The following KDM5B variants were observed in gnomAD, a reference collection of about 807,000 sequenced individuals.
KDM5B encodes the protein lysine demethylase 5B.
Under a neutral mutation model 193.4 loss-of-function variants are expected in KDM5B, and 144 were observed. The ratio of observed to expected loss-of-function variants is 0.74; its 90% CI spans 0.65 to 0.86. KDM5B has a LOEUF of 0.86. Ranked by LOEUF, KDM5B falls within the 40% of genes least tolerant of loss-of-function variation. The probability of loss-of-function intolerance (pLI) is 0.00; values close to 1 mark genes in which losing one functional copy is unlikely to be tolerated. For synonymous variants in KDM5B, 668 were observed against 682.6 expected, an observed-to-expected ratio of 0.98 and a Z score of 0.33; for missense variants, 1,833 against 1,886.9, an observed-to-expected ratio of 0.97 and a Z score of 0.53.
rs558773192 is a variant in KDM5B at position 202,739,525 on chromosome 1, G to C, written c.3084+1149C>G. ...CATTCTTGGGTGTTTCTCGCAGAGG[G>C]GGAGTTGGCAGGGTCATAGGACAAT... is the stretch of plus-strand genomic sequence containing the variant. On this transcript the variant is annotated intron_variant, in intron 20 of 26. Transcript: ENST00000367265. Among the ~76,000 whole-genome samples the C allele has an allele frequency of 2.2e-4, 33 of 151,676 alleles. No individual in the cohort carries two copies. In the South Asian group the frequency reaches 6.9e-3, roughly 32 times the overall value.
chr1:202,730,394 T>C (rs1245953006), intron 25 of KDM5B, among the ~76,000 whole-genome samples: 1 of 152,230 alleles, frequency 6.6e-6, no homozygotes, highest in African/African-American at 2.4e-5. Flanking sequence ...TAGGTGTTTA[T>C]GTCTATCCTG....
chr1:202,796,428 C>T (rs1657850634), intron 1 of KDM5B: 2 of 226,820 alleles, frequency 8.8e-6, no homozygotes, highest in South Asian at 1.1e-4. Context: ...TGCCAGCTAC[C>T]ACCAACTACT....
intron 2 of KDM5B, among the ~76,000 whole-genome samples, chr1:202,776,406 A>G (rs1489761846): frequency 6.6e-6 from 1 of 151,962 alleles, no homozygotes; most frequent in Non-Finnish European, 1.5e-5. Flanking sequence ...TTATATGGCA[A>G]GTAAATATGC....
intron 1 of KDM5B, among the ~76,000 whole-genome samples, chr1:202,783,636 G>A (rs535512585): frequency 3.3e-5 from 5 of 152,166 alleles, no homozygotes; most frequent in South Asian, 2.1e-4. Context: ...CCAGCACTTC[G>A]GGAGGCCGAG....
chr1:202,764,770 A>C (rs1656382335), intron 5 of KDM5B, among the ~76,000 whole-genome samples: 1 of 152,222 alleles, frequency 6.6e-6, no homozygotes, highest in Non-Finnish European at 1.5e-5. Context: ...ACTTGAGGCC[A>C]GGAGTTTGAG....
chr1:202,729,704 G>T lies in KDM5B; in HGVS notation c.4497+3C>A. The T allele has an allele frequency of 1.2e-6, 2 of 1,611,526 alleles. No individual in the cohort carries two copies. Among genetic ancestry groups the T allele is most frequent in the South Asian group, 2.2e-5 (2 of 90,640 alleles). On this transcript the variant is annotated splice_donor_region_variant and intron_variant, in intron 26 of 26. Coordinates refer to ENST00000367265, the MANE Select transcript of KDM5B (RefSeq NM_006618.5). Reference sequence around the variant, plus strand: ...CGTCCTCTATGGCCCAAACCTCACTGACCTCATCTCCTTCTGGCTGCAGGC... The same window carrying T: ...CGTCCTCTATGGCCCAAACCTCACTTACCTCATCTCCTTCTGGCTGCAGGC...
At chr1:202,744,494 G>GT (rs1655472620) in intron 16 of KDM5B, among the ~76,000 whole-genome samples, 1 of 152,122 alleles carries the variant, frequency 6.6e-6, no homozygotes, top group Non-Finnish European at 1.5e-5. Context: ...GGAGGTGGAG[G>GT]TTGCAGTGAG....
rs140596403 is a variant in KDM5B, at chr1:202,792,955, C to T, written c.204+15147G>A. ...GAGGTTGCAGTGAGCCAAGACCGTGCCATTGCACTCCAACTCCAGCCTGGG... is the reference window on the plus strand; with the variant it reads ...GAGGTTGCAGTGAGCCAAGACCGTGTCATTGCACTCCAACTCCAGCCTGGG... On this transcript the variant is annotated intron_variant, in intron 1 of 26. Transcript: ENST00000367265. Among the ~76,000 whole-genome samples, 138 of 151,232 alleles carry T rather than the reference C, an allele frequency of 9.1e-4. 1 individual carries two copies. The East Asian group carries it at 0.017, about 19-fold the overall frequency.
At chr1:202,808,046 C>T (rs1658381222) in intron 1 of KDM5B, 56 bp downstream of exon 1, 1 of 1,568,778 alleles carries the variant, frequency 6.4e-7, no homozygotes, top group Non-Finnish European at 8.7e-7. Flanking sequence ...CGGACCCGCG[C>T]GTCCCCGCTC....
intron 1 of KDM5B, among the ~76,000 whole-genome samples, chr1:202,794,517 A>C (rs1314308009): frequency 6.6e-6 from 1 of 152,260 alleles, no homozygotes; most frequent in Non-Finnish European, 1.5e-5. Context: ...AGAATGCACA[A>C]CAATCTGCCT....
Position 202,736,211 on chromosome 1 carries a change from ACCT to A in KDM5B, c.3263_3264+1del. The stretch of plus-strand genomic sequence containing the variant: ...TTGCAGATGAGCTGGTTGTAAACTT[ACCT>A]CTAAGAGAGAATATGGAGAATTCTC... On this transcript the variant is annotated splice_donor_variant and coding_sequence_variant, in exon 21 of 27. Coordinates refer to ENST00000367265, the MANE Select transcript of KDM5B (RefSeq NM_006618.5). LOFTEE classifies it high-confidence loss of function. The A allele has an allele frequency of 6.5e-7, 1 of 1,545,772 alleles. No homozygotes were observed. The highest frequency in any genetic ancestry group is 8.7e-7 in the Non-Finnish European group (1 of 1,143,010).
chr1:202,782,921 G>T (rs1005603264), intron 1 of KDM5B, among the ~76,000 whole-genome samples: 1 of 152,142 alleles, frequency 6.6e-6, no homozygotes, highest in Non-Finnish European at 1.5e-5. Flanking sequence ...GAGGCCAAAA[G>T]GGGGAGGACT....
At chr1:202,755,234 T>G in intron 11 of KDM5B, 37 bp downstream of exon 11, 1 of 1,541,484 alleles carries the variant, frequency 6.5e-7, no homozygotes, top group Non-Finnish European at 9.0e-7. Flanking sequence ...CTATCCAGCA[T>G]GCATACTACT....
At chr1:202,742,543 A>G (rs779555561) in intron 17 of KDM5B, 38 bp from the exon 18 acceptor site, 1 of 1,602,632 alleles carries the variant, frequency 6.2e-7, no homozygotes, top group South Asian at 1.1e-5. Context: ...ATATAAGAAT[A>G]CATACATGTC....
intron 1 of KDM5B, among the ~76,000 whole-genome samples, chr1:202,784,003 T>C (rs1337071185): frequency 1.3e-5 from 2 of 152,204 alleles, no homozygotes; most frequent in African/African-American, 4.8e-5. Context: ...GGTAAACATT[T>C]TCCTCAGTGC....
At chr1:202,791,552 G>A (rs1442675704) in intron 1 of KDM5B, among the ~76,000 whole-genome samples, 4 of 151,822 alleles carry the variant, frequency 2.6e-5, no homozygotes, top group Non-Finnish European at 5.9e-5. Flanking sequence ...ATTTCCTCAC[G>A]CAACCCTACT....
At chr1:202,777,351 TAAAAAAA>T (rs147335949) in intron 1 of KDM5B, among the ~76,000 whole-genome samples, 2 of 128,676 alleles carry the variant, frequency 1.6e-5, no homozygotes, top group Non-Finnish European at 3.2e-5. Context: ...ATTGAGCCTG[TAAAAAAA>T]AAAAAAAAAA....
Position 202,736,331 on chromosome 1 carries a change from A to C in KDM5B, c.3146T>G (p.Ile1049Ser). ...LIELVTRGRS[I>S]PVHLNSLPRL... The stretch of plus-strand genomic sequence containing the variant: ...TGGCAAAGAATTCAGATGTACGGGG[A>C]TAGATCGGCCTCGTGTAACAAGTTC... The change falls in exon 21 of 27, where the codon ATC (isoleucine) becomes AGC (serine). Residue 1049 changes from isoleucine (I) to serine (S), a missense_variant. Coordinates refer to ENST00000367265, the MANE Select transcript of KDM5B (RefSeq NM_006618.5). The C allele has an allele frequency of 6.2e-7, 1 of 1,612,432 alleles. No individual in the cohort carries two copies. The highest frequency in any genetic ancestry group is 1.1e-5 in the South Asian group (1 of 90,936).
chr1:202,765,225 C>CTAT (rs1038964224), intron 5 of KDM5B, among the ~76,000 whole-genome samples: 3 of 101,198 alleles, frequency 3.0e-5, no homozygotes, highest in South Asian at 6.7e-4. Flanking sequence ...TTTTAATAAA[C>CTAT]TATTATTATA....
Sources: allele counts gnomAD v4.1 joint callset (sites outside exome capture counted in the v4.1 genomes callset), GRCh38; gene constraint gnomAD v4.1.1; transcripts MANE v1.5; gene names NCBI Gene and HGNC (gene_info 2026-07-23, HGNC 2026-07-21).